The following PLEKHG5 variants were observed in gnomAD, a reference collection of about 807,000 sequenced individuals.
PLEKHG5 encodes pleckstrin homology and RhoGEF domain containing G5.
In PLEKHG5, 52 loss-of-function variants were observed where a neutral mutation model predicts 103.8. That is an observed-to-expected ratio of 0.50 (90% confidence interval 0.40 to 0.63). The LOEUF (loss-of-function observed/expected upper bound fraction) is 0.63. Among genes scored for constraint, PLEKHG5 ranks in the 30% least tolerant of loss-of-function variants. The pLI is 0.00. For missense variants in PLEKHG5, 1,205 were observed against 1,347.6 expected, an observed-to-expected ratio of 0.89 and a Z score of 1.66; for synonymous variants, 592 against 575.5, an observed-to-expected ratio of 1.03 and a Z score of -0.41.
chr1:6,485,105 T>C (rs1644994842), intron 1 of PLEKHG5, among the ~76,000 whole-genome samples: 1 of 151,950 alleles, frequency 6.6e-6, no homozygotes, highest in African/African-American at 2.4e-5. Context: ...GGCGGGGACA[T>C]CTCAGCCGGC....
rs1349667419 is a variant in PLEKHG5 at position 6,471,551 on chromosome 1, C to T, written c.1218G>A (p.Leu406=). The T allele has an allele frequency of 1.2e-6, 2 of 1,606,444 alleles. No individual in the cohort carries two copies. The highest frequency in any genetic ancestry group is 2.2e-5 in the East Asian group (1 of 44,596). Residue 406 remains leucine, a synonymous_variant, in exon 12 of 21, where the codon CTG becomes CTA. Coordinates refer to ENST00000377728, the MANE Select transcript of PLEKHG5 (RefSeq NM_020631.6). ...GCGCTCGCGTGCGCCGCGCCTTCTC[C>T]AGCACCGGCGCCATCACGCTAGCCC... ...RLWASVMAPV[L]EKARRTRALL...
chr1:6,468,959 G>C, intron 19 of PLEKHG5, 83 bp downstream of exon 19: 1 of 1,139,656 alleles, frequency 8.8e-7, no homozygotes, highest in Admixed American at 1.7e-5. Context: ...TTGGGAGGAA[G>C]GGAGCGTGGC....
chr1:6,479,935 G>A (rs1030320654), intron 1 of PLEKHG5, among the ~76,000 whole-genome samples: 1 of 152,082 alleles, frequency 6.6e-6, no homozygotes, highest in South Asian at 2.1e-4. Flanking sequence ...GGAAGTCTTC[G>A]AGCCAGCAGC....
At chr1:6,514,954 T>C (rs1638575273) in intron 1 of PLEKHG5, among the ~76,000 whole-genome samples, 1 of 151,902 alleles carries the variant, frequency 6.6e-6, no homozygotes, top group Admixed American at 6.6e-5. Context: ...TTCAGGAGGC[T>C]GAGACAGGGG....
chr1:6,501,712 C>T lies in PLEKHG5; in HGVS notation c.-164-5143G>A, dbSNP rs1645298622. ...GTAACGAGGCTGTGAGTGTGTAAGC[C>T]TCCAAGCCTGTGCTCCTAACCGCCA... is the stretch of plus-strand genomic sequence containing the variant. On this transcript the variant is annotated intron_variant, in intron 1 of 21. Coordinates refer to the PLEKHG5 transcript ENST00000377740. This position sits in a 1 kb window ranked among gnomAD's most constrained non-coding sequence, Gnocchi z 4.3. Among the ~76,000 whole-genome samples, 1 of 152,168 alleles carries T rather than the reference C, an allele frequency of 6.6e-6. No homozygotes were observed. The highest frequency in any genetic ancestry group is 1.5e-5 in the Non-Finnish European group (1 of 68,034).
chr1:6,480,180 G>C (rs1644863312), intron 1 of PLEKHG5, among the ~76,000 whole-genome samples: 2 of 152,158 alleles, frequency 1.3e-5, no homozygotes, highest in Admixed American at 6.6e-5. Flanking sequence ...AATCAGTTGA[G>C]GTCAGGAGTT....
At chr1:6,519,852 T>G in exon 1 of PLEKHG5, 1 of 409,142 alleles carries the variant, frequency 2.4e-6, no homozygotes, top group Non-Finnish European at 4.6e-6. Context: ...GAGTGCCCAT[T>G]TGCGCCCTGG....
chr1:6,485,203 C>T, intron 1 of PLEKHG5: 1 of 657,132 alleles, frequency 1.5e-6, no homozygotes, highest in South Asian at 6.0e-5. Flanking sequence ...GCATCCTTCC[C>T]CTGGGGGCCG....
At position 6,473,270 on chromosome 1, in the gene PLEKHG5, C is replaced by T. The variant is rs746466176; in HGVS notation, c.776G>A (p.Ser259Asn). 14 of 1,607,582 alleles carry T rather than the reference C, an allele frequency of 8.7e-6. No homozygotes were observed. Among genetic ancestry groups the T allele is most frequent in the Non-Finnish European group, 1.1e-5 (13 of 1,177,562 alleles). The change falls in exon 8 of 21, where the codon AGC becomes AAC. Residue 259 changes from serine (S) to asparagine (N), a missense_variant. Coordinates refer to ENST00000377728, the MANE Select transcript of PLEKHG5 (RefSeq NM_020631.6). Reference sequence around the variant, plus strand: ...ACATACCCGGCCAAAGGCGCTGGTGCTGGGGCCGGAGCTGAAAAAGCCGCT... The same window carrying T: ...ACATACCCGGCCAAAGGCGCTGGTGTTGGGGCCGGAGCTGAAAAAGCCGCT... ...RFSGFFSSGP[S>N]TSAFGREVDK...
chr1:6,490,522 G>A lies in PLEKHG5; in HGVS notation c.-88+1115C>T, dbSNP rs1645130731. 1 of 985,348 alleles carries A rather than the reference G, an allele frequency of 1.0e-6. No homozygotes were observed. The highest frequency in any genetic ancestry group is 1.1e-4 in the East Asian group (1 of 8,814). The allele number at this position is 985,348 out of a possible 1,614,324, so 61.0% of individuals were successfully genotyped here. On this transcript the variant is annotated intron_variant, in intron 1 of 20. Coordinates refer to ENST00000377728, the MANE Select transcript of PLEKHG5 (RefSeq NM_020631.6). This position sits in a 1 kb window ranked among gnomAD's most constrained non-coding sequence, Gnocchi z 8.0. ...GCCGAGACTGCCAAAGCCTCATGGG[G>A]CGCGCGGGGAGAGGGGGACGGGAGC...
At chr1:6,516,922 A>ACC (rs1458791030) in intron 1 of PLEKHG5, among the ~76,000 whole-genome samples, 103,595 of 140,716 alleles carry the variant, frequency 0.74, 41,844 homozygotes, top group Non-Finnish European at 0.87. Context: ...ACACACACAC[A>ACC]CACATGTACA....
chr1:6,500,894 G>A (rs577635721), upstream of PLEKHG5, among the ~76,000 whole-genome samples: 5 of 152,162 alleles, frequency 3.3e-5, no homozygotes, highest in South Asian at 8.3e-4. Flanking sequence ...GTTCTCCCCC[G>A]ACCCTGTCTC....
At chr1:6,519,962 C>T in exon 1 of PLEKHG5, 1 of 248,830 alleles carries the variant, frequency 4.0e-6, no homozygotes, top group Non-Finnish European at 7.9e-6. Flanking sequence ...CAGCAGCCAG[C>T]AGCAGCCCCT....
At chr1:6,496,462 C>T (rs951543084), upstream of PLEKHG5, 16 of 1,554,890 alleles carry the variant, frequency 1.0e-5, no homozygotes, top group Middle Eastern at 4.5e-4. Flanking sequence ...CCTCTGCCCC[C>T]GAGGGTCCCC....
In PLEKHG5 at chr1:6,490,767, C is replaced by T. The variant is rs1645137955; in HGVS notation, c.-88+870G>A. The stretch of plus-strand genomic sequence containing the variant: ...CTTGGGGTAATCCAGGATCCGGGCT[C>T]AGGGGAGGGGGTGGGGGGCGTCACT... On this transcript the variant is annotated intron_variant, in intron 1 of 20. Coordinates refer to ENST00000377728, the MANE Select transcript of PLEKHG5 (RefSeq NM_020631.6). This position sits in a 1 kb window ranked among gnomAD's most constrained non-coding sequence, Gnocchi z 8.0. Among the ~76,000 whole-genome samples, 1 of 151,556 alleles carries T rather than the reference C, an allele frequency of 6.6e-6. No homozygotes were observed. The highest frequency in any genetic ancestry group is 1.5e-5 in the Non-Finnish European group (1 of 67,890).
At chr1:6,478,901 C>G in intron 1 of PLEKHG5, among the ~76,000 whole-genome samples, 1 of 152,232 alleles carries the variant, frequency 6.6e-6, no homozygotes, top group South Asian at 2.1e-4. Context: ...GCCTCGGCCT[C>G]CCAAAGTGCT....
intron 1 of PLEKHG5, among the ~76,000 whole-genome samples, chr1:6,477,949 C>T (rs1409957499): frequency 2.0e-5 from 3 of 152,164 alleles, no homozygotes; most frequent in Non-Finnish European, 1.5e-5. Context: ...GGCTTGATCT[C>T]GGCTCACTGC....
chr1:6,493,548 A>C (rs1645181169), upstream of PLEKHG5, among the ~76,000 whole-genome samples: 1 of 152,166 alleles, frequency 6.6e-6, no homozygotes, highest in Non-Finnish European at 1.5e-5. Context: ...CATAAGAATA[A>C]CGCTGTTCTC....
chr1:6,474,251 C>G, intron 6 of PLEKHG5, 87 bp from the exon 7 acceptor site: 1 of 1,509,960 alleles, frequency 6.6e-7, no homozygotes, highest in Non-Finnish European at 9.1e-7. Context: ...AGGATCCACA[C>G]CAAGGCCTGC....
Sources: allele counts gnomAD v4.1 joint callset (sites outside exome capture counted in the v4.1 genomes callset), GRCh38; gene constraint gnomAD v4.1.1; non-coding constraint Gnocchi (gnomAD v3.1); transcripts MANE v1.5; gene names NCBI Gene and HGNC (gene_info 2026-07-23, HGNC 2026-07-21).